Variants in CTNNA3 observed in about 807,000 individuals in gnomAD.
CTNNA3 encodes catenin alpha 3, also known as catenin alpha-3.
In CTNNA3, 76 loss-of-function variants were observed where a neutral mutation model predicts 95.7. The observed-to-expected ratio is 0.79, with a 90% CI of 0.66 to 0.96. CTNNA3 has a LOEUF of 0.96. Among genes scored for constraint, CTNNA3 ranks in the 40% least tolerant of loss-of-function variants. CTNNA3 has a pLI of 0.00. For synonymous variants in CTNNA3, 431 were observed against 374.4 expected, an observed-to-expected ratio of 1.15 and a Z score of -1.74; for missense variants, 1,191 against 1,089.8, an observed-to-expected ratio of 1.09 and a Z score of -1.31.
At chr10:65,948,567 G>T (rs2077560856) in intron 17 of CTNNA3, among the ~76,000 whole-genome samples, 1 of 151,894 alleles carries the variant, frequency 6.6e-6, no homozygotes, top group African/African-American at 2.4e-5. Flanking sequence ...TGATTAGCTA[G>T]ATCATCAGAA....
At chr10:66,079,158 G>T (rs1283213523) in intron 14 of CTNNA3, 1 of 151,788 alleles carries the variant, frequency 6.6e-6, no homozygotes, top group Non-Finnish European at 1.5e-5. Context: ...AATTATATTT[G>T]GTCACAATAC....
chr10:65,936,621 G>A (rs1345640750), intron 17 of CTNNA3, among the ~76,000 whole-genome samples: 1 of 151,946 alleles, frequency 6.6e-6, no homozygotes, highest in Non-Finnish European at 1.5e-5. Context: ...GTGCTATAAG[G>A]ATCTCAAATG....
At position 67,387,439 on chromosome 10, in the gene CTNNA3, C is replaced by T. The variant is rs576205548; in HGVS notation, c.579+134403G>A. ...CACGGAGTCTCGCTGATTGCTAGCA[C>T]GGCAGTCTGAGATCAAACTGCAAGG... is the stretch of plus-strand genomic sequence containing the variant. On this transcript the variant is annotated intron_variant, in intron 5 of 17. Transcript: ENST00000433211. 6.4e-4 allele frequency among the ~76,000 whole-genome samples: 97 copies of T among 152,212 alleles called. 1 individual carries two copies. The highest frequency in any genetic ancestry group is 2.3e-3 in the African/African-American group (94 of 41,532).
intron 11 of CTNNA3, among the ~76,000 whole-genome samples, chr10:66,413,343 G>A (rs1212348378): frequency 3.3e-5 from 5 of 151,070 alleles, no homozygotes; most frequent in African/African-American, 1.2e-4. Context: ...CAGATGATGT[G>A]TATCACATTC....
At chr10:67,494,575 T>C (rs916288060) in intron 5 of CTNNA3, among the ~76,000 whole-genome samples, 2 of 152,172 alleles carry the variant, frequency 1.3e-5, no homozygotes, top group African/African-American at 4.8e-5. Context: ...TGAATGTGTA[T>C]TGTGGAGGCT....
chr10:66,687,968 G>A (rs1318273655), intron 9 of CTNNA3, among the ~76,000 whole-genome samples: 1 of 151,994 alleles, frequency 6.6e-6, no homozygotes, highest in Non-Finnish European at 1.5e-5. Flanking sequence ...TGCTGAGCTT[G>A]GAAGAAGAAA....
At chr10:67,260,203 G>T (rs189277441) in intron 5 of CTNNA3, among the ~76,000 whole-genome samples, 2 of 152,304 alleles carry the variant, frequency 1.3e-5, no homozygotes, top group Admixed American at 1.3e-4. Flanking sequence ...CATTCAGCAT[G>T]ATAATGGAGA....
At chr10:67,300,793 A>T (rs1040099033) in intron 5 of CTNNA3, among the ~76,000 whole-genome samples, 1 of 152,010 alleles carries the variant, frequency 6.6e-6, no homozygotes, top group Middle Eastern at 3.2e-3. Context: ...GACCTTCTTG[A>T]CCTCTTTCAG....
intron 7 of CTNNA3, among the ~76,000 whole-genome samples, chr10:67,051,372 T>G (rs764625562): frequency 2.6e-5 from 4 of 152,244 alleles, no homozygotes; most frequent in Admixed American, 6.5e-5. Flanking sequence ...GATATTTCAA[T>G]TGATCTATTT....
intron 2 of CTNNA3, among the ~76,000 whole-genome samples, chr10:67,641,774 A>G (rs57224282): frequency 0.13 from 20,161 of 151,936 alleles, 2,404 homozygotes; most frequent in African/African-American, 0.32. Context: ...ACCAAACACC[A>G]CGTGTTCTCA....
intron 13 of CTNNA3, among the ~76,000 whole-genome samples, chr10:66,143,728 AAGTAATACCTT>A (rs2083730377): frequency 6.6e-6 from 1 of 152,140 alleles, no homozygotes; most frequent in Non-Finnish European, 1.5e-5. Flanking sequence ...TAAACTACCA[AAGTAATACCTT>A]AACCGCAGGT....
At chr10:67,455,254 C>T (rs1847128733) in intron 5 of CTNNA3, among the ~76,000 whole-genome samples, 1 of 151,988 alleles carries the variant, frequency 6.6e-6, no homozygotes, top group South Asian at 2.1e-4. Flanking sequence ...TTAAAATAGG[C>T]ATGCCTTATC....
intron 13 of CTNNA3, among the ~76,000 whole-genome samples, chr10:66,138,548 G>A (rs1233419356): frequency 6.6e-6 from 1 of 152,112 alleles, no homozygotes; most frequent in South Asian, 2.1e-4. Context: ...GACGAATTGG[G>A]CTGGGCGCAG....
At chr10:66,444,192 A>G (rs952490494) in intron 11 of CTNNA3, among the ~76,000 whole-genome samples, 2 of 152,176 alleles carry the variant, frequency 1.3e-5, no homozygotes, top group Non-Finnish European at 2.9e-5. Flanking sequence ...CCAAATCTAT[A>G]TCTGATTGGT....
intron 5 of CTNNA3, among the ~76,000 whole-genome samples, chr10:67,463,351 G>A (rs1474445280): frequency 3.9e-5 from 6 of 152,022 alleles, no homozygotes; most frequent in Non-Finnish European, 7.4e-5. Context: ...AGTTTTCTTG[G>A]CAAAAGAAAC....
At chr10:66,357,353 T>C (rs770776922) in intron 12 of CTNNA3, among the ~76,000 whole-genome samples, 6 of 152,114 alleles carry the variant, frequency 3.9e-5, no homozygotes, top group Non-Finnish European at 7.4e-5. Context: ...ATAATTTACA[T>C]ACCATGCGAG....
chr10:66,014,540 G>C (rs1363912104), intron 15 of CTNNA3, among the ~76,000 whole-genome samples: 1 of 152,124 alleles, frequency 6.6e-6, no homozygotes, highest in African/African-American at 2.4e-5. Context: ...GAGATAGTCT[G>C]CCTTTTAGTA....
chr10:66,179,668 T>C (rs182933983), intron 13 of CTNNA3, among the ~76,000 whole-genome samples: 1 of 152,230 alleles, frequency 6.6e-6, no homozygotes, highest in Admixed American at 6.5e-5. Context: ...AAAGCTCTTC[T>C]AGGTTTTTGA....
intron 7 of CTNNA3, among the ~76,000 whole-genome samples, chr10:66,778,193 A>G (rs1194674220): frequency 6.6e-6 from 1 of 151,154 alleles, no homozygotes; most frequent in Admixed American, 6.6e-5. Context: ...CTACTTTTTC[A>G]CCTCCGGCTT....
Sources: gnomAD v4.1 joint callset for allele counts (sites outside exome capture counted in the v4.1 genomes callset) on GRCh38, gnomAD v4.1.1 for gene constraint, MANE v1.5 for transcripts, NCBI Gene and HGNC (gene_info 2026-07-23, HGNC 2026-07-21) for gene names.